ATAD2B: variants seen among roughly 807,000 people sequenced by gnomAD.
The protein encoded by ATAD2B is ATPase family AAA domain containing 2B.
Under a neutral mutation model 167.6 loss-of-function variants are expected in ATAD2B, and 40 were observed. That is an observed-to-expected ratio of 0.24 (90% CI 0.19 to 0.31). The LOEUF (loss-of-function observed/expected upper bound fraction) is 0.31, where lower values mean the gene tolerates loss of function less well. Among genes scored for constraint, ATAD2B ranks in the 10% least tolerant of loss-of-function variants. The pLI, the probability that ATAD2B is intolerant of heterozygous loss-of-function variation, is 1.00. For synonymous variants in ATAD2B, 579 were observed against 596.5 expected (o/e 0.97, Z 0.43); for missense variants, 1,242 against 1,757.2 (o/e 0.71, Z 5.24).
At chr2:23,863,017 C>T (rs1694645801) in intron 12 of ATAD2B, among the ~76,000 whole-genome samples, 1 of 152,184 alleles carries the variant, frequency 6.6e-6, no homozygotes, top group Non-Finnish European at 1.5e-5. Context: ...TATGCTTCCT[C>T]ATAAACAGTT....
At chr2:23,739,865 G>A in the ATAD2B span, among the ~76,000 whole-genome samples, 2 of 151,890 alleles carry the variant, frequency 1.3e-5, no homozygotes, top group African/African-American at 4.8e-5. Flanking sequence ...ATGATAAAGG[G>A]GATATCACCA....
chr2:23,738,982 T>C, the ATAD2B span, among the ~76,000 whole-genome samples: 1 of 152,190 alleles, frequency 6.6e-6, no homozygotes, highest in African/African-American at 2.4e-5. Context: ...AAGGGATCAA[T>C]TCAACAAGAA....
At chr2:23,704,118 G>T in the ATAD2B span, among the ~76,000 whole-genome samples, 1 of 152,188 alleles carries the variant, frequency 6.6e-6, no homozygotes, top group Non-Finnish European at 1.5e-5. Flanking sequence ...TTTCCTGAAG[G>T]CATCAAGGCT....
chr2:23,773,288 T>C (rs1402059741), intron 22 of ATAD2B, among the ~76,000 whole-genome samples: 2 of 152,138 alleles, frequency 1.3e-5, no homozygotes, highest in Admixed American at 6.5e-5. Flanking sequence ...GGAGGATTGC[T>C]TGAGGCCAGG....
intron 13 of ATAD2B, among the ~76,000 whole-genome samples, chr2:23,844,453 G>A (rs981123966): frequency 6.6e-6 from 1 of 152,024 alleles, no homozygotes; most frequent in Non-Finnish European, 1.5e-5. Flanking sequence ...TCCGTAATGA[G>A]AAAAATCAAT....
intron 16 of ATAD2B, among the ~76,000 whole-genome samples, chr2:23,820,703 T>A (rs2879640): frequency 1.3e-5 from 2 of 152,162 alleles, no homozygotes; most frequent in African/African-American, 2.4e-5. Context: ...TGCTAGCAGA[T>A]AGAGATCTCA....
chr2:23,905,940 T>A (rs1558774624), intron 1 of ATAD2B, among the ~76,000 whole-genome samples: 1 of 152,170 alleles, frequency 6.6e-6, no homozygotes, highest in Non-Finnish European at 1.5e-5. Context: ...TATTGGGGAA[T>A]GGGGTACAAA....
intron 21 of ATAD2B, among the ~76,000 whole-genome samples, chr2:23,784,714 CATTT>C (rs1162047959): frequency 2.0e-5 from 3 of 151,138 alleles, no homozygotes; most frequent in Admixed American, 6.6e-5. Context: ...ACACATATCA[CATTT>C]ATTTAAAATA....
intron 7 of ATAD2B, among the ~76,000 whole-genome samples, chr2:23,878,025 A>AAAAAAAAAAAAAAAAGAAAAAG (rs1558714074): frequency 1.9e-5 from 2 of 106,972 alleles, no homozygotes; most frequent in African/African-American, 2.7e-5. Flanking sequence ...AAAAAAAAAA[A>AAAAAAAAAAAAAAAAGAAAAAG]AAAAAAAAAA....
At position 23,782,886 on chromosome 2, in the gene ATAD2B, G is replaced by A; in HGVS notation, c.3116C>T (p.Pro1039Leu). 6.2e-7 allele frequency: 1 copy of A among 1,611,042 alleles called. No homozygotes were observed. The highest frequency in any genetic ancestry group is 8.5e-7 in the Non-Finnish European group (1 of 1,178,478). The change falls in exon 22 of 28, where the codon CCA (proline) becomes CTA (leucine). Residue 1039 changes from proline (P) to leucine (L), a missense_variant. Physicochemically the swap from Pro to Leu is moderately conservative, Grantham distance 98. Transcript: ENST00000238789. ...ATCCTTACCTCCTGGGTCCTTATCT[G>A]GATTATACTCTAAAGCATTGCTACA... ...LICSNALEYN[P>L]DKDPGDKIIR...
At chr2:23,859,843 G>A (rs1315218845) in intron 12 of ATAD2B, among the ~76,000 whole-genome samples, 2 of 151,818 alleles carry the variant, frequency 1.3e-5, no homozygotes, top group African/African-American at 2.4e-5. Flanking sequence ...CCAGCTACTC[G>A]GGAGGCTGAG....
At chr2:23,882,289 G>A (rs962252995) in intron 6 of ATAD2B, among the ~76,000 whole-genome samples, 3 of 151,406 alleles carry the variant, frequency 2.0e-5, no homozygotes, top group Non-Finnish European at 4.4e-5. Context: ...TCTGCCTCTC[G>A]GGTTCAGGCG....
At chr2:23,917,537 G>C (rs1308833558) in intron 1 of ATAD2B, among the ~76,000 whole-genome samples, 2 of 151,470 alleles carry the variant, frequency 1.3e-5, no homozygotes, top group Admixed American at 1.3e-4. Context: ...TAGAGGGAAA[G>C]ATAGTAGCAC....
intron 18 of ATAD2B, among the ~76,000 whole-genome samples, chr2:23,807,968 A>G (rs1370198395): frequency 2.4e-4 from 30 of 125,656 alleles, no homozygotes; most frequent in African/African-American, 8.5e-4. Flanking sequence ...TAATATATAT[A>G]TTATAAATAT....
At chr2:23,907,060 C>G (rs1264020174) in intron 1 of ATAD2B, among the ~76,000 whole-genome samples, 6 of 151,296 alleles carry the variant, frequency 4.0e-5, no homozygotes, top group South Asian at 2.1e-4. Context: ...ACTGGCACAA[C>G]ACAGGGATGC....
chr2:23,684,493 T>C, the ATAD2B span: 1 of 1,551,130 alleles, frequency 6.4e-7, no homozygotes, highest in Non-Finnish European at 8.7e-7. This position sits in a 1 kb window ranked among gnomAD's most constrained non-coding sequence, Gnocchi z 4.4. Flanking sequence ...TCCACCAAAA[T>C]GTTCTAGCTT....
intron 23 of ATAD2B, among the ~76,000 whole-genome samples, chr2:23,764,316 T>C (rs1677126589): frequency 6.6e-6 from 1 of 152,252 alleles, no homozygotes; most frequent in Non-Finnish European, 1.5e-5. Context: ...ATGATTTCTA[T>C]TGCCTATGGC....
intron 8 of ATAD2B, among the ~76,000 whole-genome samples, chr2:23,871,109 C>CA (rs11389544): frequency 0.43 from 60,380 of 141,950 alleles, 13,253 homozygotes; most frequent in East Asian, 0.78. Flanking sequence ...TAGTAATTTG[C>CA]AAAAAAAAAA....
intron 13 of ATAD2B, among the ~76,000 whole-genome samples, chr2:23,851,715 A>C (rs573130180): frequency 6.6e-6 from 1 of 152,314 alleles, no homozygotes; most frequent in Non-Finnish European, 1.5e-5. Flanking sequence ...CTTACAGTAT[A>C]ACACAGACTA....
Sources: allele counts gnomAD v4.1 joint callset (sites outside exome capture counted in the v4.1 genomes callset), GRCh38; gene constraint gnomAD v4.1.1; non-coding constraint Gnocchi (gnomAD v3.1); transcripts MANE v1.5; gene names NCBI Gene and HGNC (gene_info 2026-07-23, HGNC 2026-07-21).